ADI1: variants seen among roughly 807,000 people sequenced by gnomAD.
ADI1 encodes the protein acireductone dioxygenase.
Under a neutral mutation model 18.7 loss-of-function variants are expected in ADI1, and 21 were observed. The ratio of observed to expected loss-of-function variants is 1.13; its 90% CI spans 0.80 to 1.62. The LOEUF is 1.62. ADI1 is among the 40% of genes most tolerant of loss of function. ADI1 has a pLI of 0.00. For synonymous variants in ADI1, 90 were observed against 100.1 expected (o/e 0.90, Z 0.60); for missense variants, 245 against 254.9 (o/e 0.96, Z 0.26).
At chr2:3,510,634 G>C (rs1667277939) in intron 2 of ADI1, among the ~76,000 whole-genome samples, 1 of 152,220 alleles carries the variant, frequency 6.6e-6, no homozygotes, top group African/African-American at 2.4e-5. Flanking sequence ...ATATTAAAAG[G>C]ATAATAGAAA....
chr2:3,513,358 A>C (rs891985635), intron 2 of ADI1, among the ~76,000 whole-genome samples: 4 of 152,126 alleles, frequency 2.6e-5, no homozygotes, highest in African/African-American at 9.7e-5. Context: ...TACAGTTTAG[A>C]TTTGTGTCTC....
intron 1 of ADI1, among the ~76,000 whole-genome samples, chr2:3,518,202 GT>G (rs1192564138): frequency 6.6e-6 from 1 of 152,184 alleles, no homozygotes; most frequent in Non-Finnish European, 1.5e-5. Flanking sequence ...TGCATGCCCT[GT>G]TTCGCACTGG....
intron 3 of ADI1, among the ~76,000 whole-genome samples, chr2:3,499,822 T>C (rs1238694038): frequency 6.6e-6 from 1 of 152,040 alleles, no homozygotes; most frequent in Admixed American, 6.5e-5. Flanking sequence ...TGTAGAACCA[T>C]GGGAGGCCAA....
intron 2 of ADI1, among the ~76,000 whole-genome samples, chr2:3,513,442 G>C (rs1667332459): frequency 6.6e-6 from 1 of 152,188 alleles, no homozygotes; most frequent in African/African-American, 2.4e-5. Flanking sequence ...TGGATCATGA[G>C]GGTGGATTTC....
intron 2 of ADI1, among the ~76,000 whole-genome samples, chr2:3,507,180 C>T (rs1391509166): frequency 5.9e-5 from 9 of 152,038 alleles, no homozygotes; most frequent in Non-Finnish European, 8.8e-5. Flanking sequence ...AACAAAATAG[C>T]CCTGAACTGT....
At chr2:3,502,682 T>G (rs1302300045) in intron 2 of ADI1, among the ~76,000 whole-genome samples, 1 of 152,166 alleles carries the variant, frequency 6.6e-6, no homozygotes, top group Non-Finnish European at 1.5e-5. Context: ...ACTCTCGTCC[T>G]TGGGTGATCT....
In ADI1 at chr2:3,504,134, C is replaced by T. The variant is rs576849766; in HGVS notation, c.241-3141G>A. Among the ~76,000 whole-genome samples, 11 of 152,298 alleles carry T rather than the reference C, an allele frequency of 7.2e-5. No homozygotes were observed. The East Asian group carries it at 7.7e-4, about 11-fold the overall frequency. ...GGAACTTCCCCATGGAGAGACTTGACGGACGCCGATTTCACCCAGGGCACG... is the reference window on the plus strand; with the variant it reads ...GGAACTTCCCCATGGAGAGACTTGATGGACGCCGATTTCACCCAGGGCACG... On this transcript the variant is annotated intron_variant, in intron 2 of 3. Coordinates refer to ENST00000327435, the MANE Select transcript of ADI1 (RefSeq NM_018269.4).
At chr2:3,502,354 C>T (rs890748928) in intron 2 of ADI1, among the ~76,000 whole-genome samples, 1 of 151,696 alleles carries the variant, frequency 6.6e-6, no homozygotes, top group Admixed American at 6.6e-5. Flanking sequence ...GTTACAAAAT[C>T]ATAAATAAAA....
intron 3 of ADI1, chr2:3,500,476 C>A: frequency 1.1e-5 from 5 of 458,122 alleles, no homozygotes; most frequent in African/African-American, 1.9e-5. Flanking sequence ...CTAGAGATGC[C>A]TCACCGCCAA....
intron 3 of ADI1, 93 bp from the exon 4 acceptor site, chr2:3,499,175 C>T: frequency 6.8e-7 from 1 of 1,474,958 alleles, no homozygotes; most frequent in Non-Finnish European, 9.1e-7. Flanking sequence ...ACATTAATTG[C>T]TATAAACACT....
intron 1 of ADI1, chr2:3,516,419 T>G (rs1667410761): frequency 2.1e-5 from 3 of 144,752 alleles, no homozygotes; most frequent in African/African-American, 7.6e-5. Context: ...GAGGCAGAGG[T>G]TGCAGTGAGC....
At chr2:3,506,793 T>C (rs1386363870) in intron 2 of ADI1, among the ~76,000 whole-genome samples, 2 of 152,242 alleles carry the variant, frequency 1.3e-5, no homozygotes, top group Non-Finnish European at 2.9e-5. Context: ...CTTCAAGACT[T>C]ACTATCATGC....
At chr2:3,517,655 A>C (rs932934526) in intron 1 of ADI1, 1 of 152,038 alleles carries the variant, frequency 6.6e-6, no homozygotes, top group Non-Finnish European at 1.5e-5. Flanking sequence ...AATCCCAGCT[A>C]CTCGGGAGGC....
intron 3 of ADI1, among the ~76,000 whole-genome samples, chr2:3,499,345 C>A (rs1195488367): frequency 6.6e-6 from 1 of 151,138 alleles, no homozygotes; most frequent in African/African-American, 2.5e-5. Flanking sequence ...CACCTCCGTG[C>A]TCTCTATAGA....
Position 3,499,922 on chromosome 2 carries a change from G to A in ADI1, c.421-840C>T, listed in dbSNP as rs138791241. Among the ~76,000 whole-genome samples, 416 of 152,168 alleles carry A rather than the reference G, an allele frequency of 2.7e-3. 1 individual carries two copies. Among genetic ancestry groups the A allele is most frequent in the Non-Finnish European group, 4.3e-3 (291 of 67,994 alleles). On this transcript the variant is annotated intron_variant, in intron 3 of 3. Coordinates refer to ENST00000327435, the MANE Select transcript of ADI1 (RefSeq NM_018269.4). ...TCTACTAAAAACACAAAAATTAGCCGGGCGTGGTGGTGTGCCCCAGTAATC... is the reference window on the plus strand; with the variant it reads ...TCTACTAAAAACACAAAAATTAGCCAGGCGTGGTGGTGTGCCCCAGTAATC...
At chr2:3,500,353 C>G (rs1222984390) in intron 3 of ADI1, among the ~76,000 whole-genome samples, 4 of 129,672 alleles carry the variant, frequency 3.1e-5, no homozygotes, top group Non-Finnish European at 4.8e-5. Context: ...CCAATCCTGA[C>G]TGGACTGCGT....
chr2:3,513,770 A>AT, intron 2 of ADI1, 87 bp downstream of exon 2: 1 of 1,414,666 alleles, frequency 7.1e-7, no homozygotes, highest in Non-Finnish European at 9.5e-7. Flanking sequence ...TCATACAGAC[A>AT]TTAAAAGAAA....
At chr2:3,514,655 T>A (rs1383266245) in intron 1 of ADI1, among the ~76,000 whole-genome samples, 9 of 152,234 alleles carry the variant, frequency 5.9e-5, no homozygotes, top group Non-Finnish European at 8.8e-5. Context: ...CTATCTCTAT[T>A]AAGGTTCAGT....
At position 3,518,636 on chromosome 2, in the gene ADI1, C is replaced by T. The variant is rs1368129760; in HGVS notation, c.120+732G>A. On this transcript the variant is annotated intron_variant, in intron 1 of 3. Transcript: ENST00000327435. ...CCCCCACCCCACCACCGAGCGCTACCCCCCGGGGATCCCCGACAGACCGCG... is the reference window on the plus strand; with the variant it reads ...CCCCCACCCCACCACCGAGCGCTACTCCCCGGGGATCCCCGACAGACCGCG... 3.3e-5 allele frequency among the ~76,000 whole-genome samples: 5 copies of T among 152,112 alleles called. No homozygotes were observed. The South Asian group carries it at 8.3e-4, about 25-fold the overall frequency.
Sources: allele counts gnomAD v4.1 joint callset (sites outside exome capture counted in the v4.1 genomes callset), GRCh38; gene constraint gnomAD v4.1.1; transcripts MANE v1.5; gene names NCBI Gene and HGNC (gene_info 2026-07-23, HGNC 2026-07-21).